WDR20: variants seen among roughly 807,000 people sequenced by gnomAD.
WDR20 encodes WD repeat-containing protein 20.
WDR20 carries 3 observed loss-of-function variants against 38.7 expected under a neutral mutation model. The ratio of observed to expected loss-of-function variants is 0.08; its 90% confidence interval spans 0.04 to 0.20. The LOEUF (loss-of-function observed/expected upper bound fraction) is 0.20. WDR20 is among the 10% of genes least tolerant of loss of function. The probability of loss-of-function intolerance (pLI) is 1.00; values close to 1 mark genes in which losing one functional copy is unlikely to be tolerated. For synonymous variants in WDR20, 298 were observed against 285.6 expected (o/e 1.04, Z -0.44); for missense variants, 559 against 727.7 (o/e 0.77, Z 2.67).
downstream of WDR20, among the ~76,000 whole-genome samples, chr14:102,212,298 T>C (rs2062645526): frequency 6.6e-6 from 1 of 152,232 alleles, no homozygotes. Flanking sequence ...AATGTCTGTC[T>C]GGTACCTTGT....
intron 1 of WDR20, among the ~76,000 whole-genome samples, chr14:102,159,902 T>C (rs1454209580): frequency 6.6e-6 from 1 of 151,286 alleles, no homozygotes; most frequent in Non-Finnish European, 1.5e-5. Flanking sequence ...ACCAGGAATT[T>C]GAGACCAGCC....
chr14:102,212,510 T>C, downstream of WDR20: 1 of 1,535,836 alleles, frequency 6.5e-7, no homozygotes, highest in Non-Finnish European at 8.7e-7. Context: ...GCTGCCCCTT[T>C]CTTTGACAGC....
chr14:102,215,479 G>A (rs1287709570), downstream of WDR20, among the ~76,000 whole-genome samples: 1 of 152,168 alleles, frequency 6.6e-6, no homozygotes, highest in Non-Finnish European at 1.5e-5. Flanking sequence ...TTTGCTGTAA[G>A]TTCTGGGATA....
intron 1 of WDR20, among the ~76,000 whole-genome samples, chr14:102,176,039 C>T (rs2061983719): frequency 6.6e-6 from 1 of 152,098 alleles, no homozygotes; most frequent in Admixed American, 6.6e-5. Context: ...TTTGGATGCC[C>T]TTTATTTCTT....
downstream of WDR20, among the ~76,000 whole-genome samples, chr14:102,211,201 A>C (rs2062479242): frequency 7.3e-6 from 1 of 137,146 alleles, no homozygotes; most frequent in Non-Finnish European, 1.6e-5. This position sits in a 1 kb window ranked among gnomAD's most constrained non-coding sequence, Gnocchi z 4.2. Flanking sequence ...CTTACTTGTT[A>C]ACTCATTTTG....
In WDR20 at chr14:102,187,313, C is replaced by T. The variant is rs1373124904; in HGVS notation, c.250-7625C>T. ...GTTTTTAAAAGGAGCTGGACTTTCA[C>T]AATATATGGAACATAGTTAACATAT... On this transcript the variant is annotated intron_variant, in intron 1 of 2. Coordinates refer to ENST00000342702, the MANE Select transcript of WDR20 (RefSeq NM_144574.4). Among the ~76,000 whole-genome samples, 5 of 152,056 alleles carry T rather than the reference C, an allele frequency of 3.3e-5. No individual in the cohort carries two copies. The South Asian group carries it at 8.3e-4, about 25-fold the overall frequency.
At chr14:102,163,823 C>T (rs1566869314) in intron 1 of WDR20, among the ~76,000 whole-genome samples, 1 of 151,978 alleles carries the variant, frequency 6.6e-6, no homozygotes. Context: ...TCCTGGTGTC[C>T]TGGAGAAAAT....
intron 1 of WDR20, among the ~76,000 whole-genome samples, chr14:102,163,877 T>C (rs1016526512): frequency 1.3e-5 from 2 of 152,174 alleles, no homozygotes; most frequent in African/African-American, 2.4e-5. Flanking sequence ...TGCTGCTGTC[T>C]CTACTTCTTT....
chr14:102,142,963 T>G (rs1442181294), intron 1 of WDR20, among the ~76,000 whole-genome samples: 1 of 152,016 alleles, frequency 6.6e-6, no homozygotes, highest in Non-Finnish European at 1.5e-5. Context: ...AGAGGAAACA[T>G]GGGGTCCTGG....
chr14:102,144,355 G>A (rs765063720), intron 1 of WDR20, among the ~76,000 whole-genome samples: 2 of 151,728 alleles, frequency 1.3e-5, no homozygotes, highest in Non-Finnish European at 2.9e-5. Flanking sequence ...GGTGGTGCTT[G>A]CCTATAGTCC....
chr14:102,178,563 A>G lies in WDR20; in HGVS notation c.250-16375A>G, dbSNP rs114269974. Among the ~76,000 whole-genome samples the G allele has an allele frequency of 7.7e-3, 1,172 of 152,010 alleles. 22 individuals are homozygous for G. Among genetic ancestry groups the G allele is most frequent in the African/African-American group, 0.026 (1,094 of 41,474 alleles). On this transcript the variant is annotated intron_variant, in intron 1 of 2. Coordinates refer to ENST00000342702, the MANE Select transcript of WDR20 (RefSeq NM_144574.4). ...CAGCGTCCCCTCAGAACTTGTGGCA[A>G]TGAAGATTCTGGGCCCCTGCACTTG... is the stretch of plus-strand genomic sequence containing the variant.
intron 1 of WDR20, among the ~76,000 whole-genome samples, chr14:102,186,706 C>T (rs1447806807): frequency 3.9e-5 from 6 of 152,070 alleles, no homozygotes; most frequent in African/African-American, 1.2e-4. Context: ...AATCCCAGCA[C>T]TTTGGGAGGC....
intron 1 of WDR20, among the ~76,000 whole-genome samples, chr14:102,172,688 C>T (rs1347596947): frequency 6.3e-5 from 9 of 143,070 alleles, no homozygotes; most frequent in Middle Eastern, 3.9e-3. Flanking sequence ...CCCTCCCGGA[C>T]GGGGCGGCTG....
chr14:102,190,616 CAGA>C (rs947381692), intron 1 of WDR20, among the ~76,000 whole-genome samples: 2 of 151,816 alleles, frequency 1.3e-5, no homozygotes, highest in African/African-American at 4.8e-5. Context: ...GTTGACTAGA[CAGA>C]AGGTGATATT....
Position 102,208,286 on chromosome 14 carries a change from A to C in WDR20, c.433-317A>C, listed in dbSNP as rs1180382597. ...CCTACTGTCAAGGAAGAAAGATCCC[A>C]GCAGGGCTGTTCCCTCCGCAGTGAA... On this transcript the variant is annotated intron_variant, in intron 2 of 2. Transcript: ENST00000342702. This position sits in a 1 kb window ranked among gnomAD's most constrained non-coding sequence, Gnocchi z 5.6. Among the ~76,000 whole-genome samples the C allele has an allele frequency of 1.3e-5, 2 of 152,246 alleles. No homozygotes were observed. Among genetic ancestry groups the C allele is most frequent in the African/African-American group, 4.8e-5 (2 of 41,468 alleles).
intron 1 of WDR20, among the ~76,000 whole-genome samples, chr14:102,177,213 C>G (rs1460076724): frequency 6.6e-6 from 1 of 152,214 alleles, no homozygotes; most frequent in Non-Finnish European, 1.5e-5. Context: ...GAGCTGAGAC[C>G]ATTGTTTTCA....
intron 1 of WDR20, among the ~76,000 whole-genome samples, chr14:102,174,258 C>T (rs1335209109): frequency 1.3e-5 from 2 of 152,072 alleles, no homozygotes; most frequent in Non-Finnish European, 2.9e-5. Context: ...GGTAGATACC[C>T]TGTGGTGGGA....
chr14:102,204,485 T>C (rs2061142871), intron 2 of WDR20, among the ~76,000 whole-genome samples: 1 of 152,230 alleles, frequency 6.6e-6, no homozygotes, highest in Non-Finnish European at 1.5e-5. Context: ...CTCATCCCAC[T>C]TGAACCTAAA....
chr14:102,224,280 T>C (rs1192709856), downstream of WDR20, among the ~76,000 whole-genome samples: 3 of 151,988 alleles, frequency 2.0e-5, no homozygotes, highest in East Asian at 1.9e-4. Flanking sequence ...GACCTCGTGA[T>C]CCGCCTGCCT....
Sources: gnomAD v4.1 joint callset for allele counts (sites outside exome capture counted in the v4.1 genomes callset) on GRCh38, gnomAD v4.1.1 for gene constraint, Gnocchi (gnomAD v3.1) non-coding constraint, MANE v1.5 for transcripts, NCBI Gene and HGNC (gene_info 2026-07-23, HGNC 2026-07-21) for gene names.